The following NUP133 variants were observed in gnomAD, a reference collection of about 807,000 sequenced individuals.
NUP133 encodes the protein nuclear pore complex protein Nup133.
NUP133 carries 66 observed loss-of-function variants against 146.2 expected under a neutral mutation model. The observed-to-expected ratio is 0.45, with a 90% CI of 0.37 to 0.55. The LOEUF (loss-of-function observed/expected upper bound fraction) is 0.55. NUP133 is among the 20% of genes least tolerant of loss of function. The probability of loss-of-function intolerance (pLI) is 0.00; values close to 1 mark genes in which losing one functional copy is unlikely to be tolerated. For synonymous variants in NUP133, 521 were observed against 498.8 expected, an observed-to-expected ratio of 1.04 and a Z score of -0.59; for missense variants, 1,277 against 1,374.8, an observed-to-expected ratio of 0.93 and a Z score of 1.12.
chr1:229,449,712 A>G (rs1462357725), intron 23 of NUP133, among the ~76,000 whole-genome samples: 1 of 151,446 alleles, frequency 6.6e-6, no homozygotes, highest in Admixed American at 6.6e-5. Context: ...GTAAAAGTCA[A>G]CATATTATGT....
At chr1:229,464,310 C>A (rs1396901865) in intron 18 of NUP133, among the ~76,000 whole-genome samples, 1 of 152,184 alleles carries the variant, frequency 6.6e-6, no homozygotes, top group African/African-American at 2.4e-5. Flanking sequence ...ACCCCTCAAG[C>A]AGCCCTCACC....
intron 2 of NUP133, among the ~76,000 whole-genome samples, chr1:229,505,650 G>A (rs1347442410): frequency 1.3e-5 from 2 of 151,364 alleles, no homozygotes; most frequent in African/African-American, 2.4e-5. Context: ...ACTTTGGGAG[G>A]CCAAGGAGGG....
intron 25 of NUP133, among the ~76,000 whole-genome samples, chr1:229,443,481 G>A (rs997883157): frequency 6.6e-6 from 1 of 152,078 alleles, no homozygotes; most frequent in Non-Finnish European, 1.5e-5. Context: ...CAAACCTTGT[G>A]GGTAATTTAA....
chr1:229,490,036 A>G lies in NUP133; in HGVS notation c.1113T>C (p.Ser371=). The G allele has an allele frequency of 6.2e-7, 1 of 1,612,378 alleles. No homozygotes were observed. The part of the protein sequence containing the change: ...SADNPCLIYY[S]LITIEDNGCQ... ...AACCATTATCTTCTATTGTTATCAG[A>G]GAGTAATAGATGAGACATGGATTGT... Residue 371 remains serine, a synonymous_variant, in exon 9 of 26, where the codon TCT becomes TCC. Transcript: ENST00000261396.
chr1:229,456,242 C>T lies in NUP133; in HGVS notation c.2980+1919G>A, dbSNP rs748410046. The stretch of plus-strand genomic sequence containing the variant: ...GATTTGTCTACTGATACTCCAAAAC[C>T]ACGGGAATATCCTGTTCCCCTAGCC... On this transcript the variant is annotated intron_variant, in intron 21 of 25. Transcript: ENST00000261396. Among the ~76,000 whole-genome samples the T allele has an allele frequency of 1.4e-4, 22 of 152,282 alleles. No individual in the cohort carries two copies. The South Asian group carries it at 3.7e-3, about 26-fold the overall frequency.
At chr1:229,488,460 C>T (rs996089787) in intron 9 of NUP133, among the ~76,000 whole-genome samples, 2 of 152,056 alleles carry the variant, frequency 1.3e-5, no homozygotes, top group African/African-American at 4.8e-5. Context: ...AGTAATTTTA[C>T]AGAAATATTA....
chr1:229,487,693 CATT>C (rs1661396363), intron 9 of NUP133, 80 bp from the exon 10 acceptor site: 8 of 1,080,928 alleles, frequency 7.4e-6, no homozygotes, highest in Non-Finnish European at 1.1e-5. Flanking sequence ...CATTTTTGTA[CATT>C]ATTTCATAAA....
At chr1:229,470,465 A>T in intron 15 of NUP133, 115 bp downstream of exon 15, 3 of 841,318 alleles carry the variant, frequency 3.6e-6, no homozygotes, top group Non-Finnish European at 5.6e-6. Flanking sequence ...AGTCCAATTT[A>T]AAATTTCAGT....
chr1:229,452,169 T>G (rs1660467141), intron 22 of NUP133, among the ~76,000 whole-genome samples: 2 of 152,168 alleles, frequency 1.3e-5, no homozygotes, highest in Admixed American at 1.3e-4. Context: ...TAAACTGAGT[T>G]CCTTAATCCA....
rs56383157 is a variant in NUP133, at chr1:229,505,564, T to TAAAAAAAAAAA, written c.301+465_301+475dup. Among the ~76,000 whole-genome samples the TAAAAAAAAAAA allele has an allele frequency of 4.7e-5, 3 of 63,240 alleles. 1 individual carries two copies. The East Asian group carries it at 1.5e-3, about 32-fold the overall frequency. The allele number at this position is 63,240 out of a possible 152,430, so 41.5% of individuals were successfully genotyped here. ...ATGTATTATACATCTCAATTACAGT[T>TAAAAAAAAAAA]AAAAAAAAAAAAAAAAAAAAAAAAA... On this transcript the variant is annotated intron_variant, in intron 2 of 25. Transcript: ENST00000261396.
chr1:229,468,245 T>C lies in NUP133; in HGVS notation c.2077-1489A>G, dbSNP rs146388872. 6.7e-3 allele frequency among the ~76,000 whole-genome samples: 1,015 copies of C among 152,216 alleles called. 15 individuals carry two copies. The highest frequency in any genetic ancestry group is 0.023 in the African/African-American group (937 of 41,518). Reference sequence around the variant, plus strand: ...TTCTATATGGCCCACCAATCAGAGATTGATTTTGGTTAACCAGCTCGTCCC... The same window carrying C: ...TTCTATATGGCCCACCAATCAGAGACTGATTTTGGTTAACCAGCTCGTCCC... On this transcript the variant is annotated intron_variant, in intron 15 of 25. Transcript: ENST00000261396.
In NUP133 at chr1:229,485,251, C is replaced by T. The variant is rs112436317; in HGVS notation, c.1501-1106G>A. Among the ~76,000 whole-genome samples, 1,063 of 152,284 alleles carry T rather than the reference C, an allele frequency of 7.0e-3. 12 individuals are homozygous for T. The highest frequency in any genetic ancestry group is 0.024 in the African/African-American group (1,000 of 41,572). On this transcript the variant is annotated intron_variant, in intron 11 of 25. Transcript: ENST00000261396. ...AAGCAGAAGGAATGGGAAATGGCCC[C>T]GCTGACAGGAGATGAGGCCACCTAT... is the stretch of plus-strand genomic sequence containing the variant.
At position 229,458,183 on chromosome 1, in the gene NUP133, A is replaced by T; in HGVS notation, c.2958T>A (p.Asp986Glu). ...CACCTTCAATTTTTTCTTGTAGCAT[A>T]TCCTCTGAAAAGTCTGAAGCTAATG... ...LAALASDFSEDMLQEKIEEMA... is the reference protein window; with the variant it reads ...LAALASDFSEEMLQEKIEEMA... Residue 986 changes from aspartate (D) to glutamate (E), a missense_variant, in exon 21 of 26, where the codon GAT (aspartate) becomes GAA (glutamate). Transcript: ENST00000261396. The T allele has an allele frequency of 6.2e-7, 1 of 1,612,266 alleles. No individual in the cohort carries two copies. Among genetic ancestry groups the T allele is most frequent in the Non-Finnish European group, 8.5e-7 (1 of 1,179,084 alleles).
chr1:229,470,814 A>G lies in NUP133; in HGVS notation c.1852-10T>C, dbSNP rs1285529111. 1 of 1,610,874 alleles carries G rather than the reference A, an allele frequency of 6.2e-7. No individual in the cohort carries two copies. The highest frequency in any genetic ancestry group is 1.1e-5 in the South Asian group (1 of 90,978). On this transcript the variant is annotated splice_polypyrimidine_tract_variant and intron_variant, in intron 14 of 25. Coordinates refer to ENST00000261396, the MANE Select transcript of NUP133 (RefSeq NM_018230.3). The stretch of plus-strand genomic sequence containing the variant: ...GTCCAAATAAGCCAACCTTGCAAAA[A>G]GGCAAACACATATTCTCAGAAAGCA...
chr1:229,465,893 A>C lies in NUP133; in HGVS notation c.2200-374T>G, dbSNP rs1476862394. ...GCAATGGAGTGAGACCATGTCTCACAAAAAAAAAAAAAAAAAGAAAAGAAA... is the reference window on the plus strand; with the variant it reads ...GCAATGGAGTGAGACCATGTCTCACCAAAAAAAAAAAAAAAAGAAAAGAAA... On this transcript the variant is annotated intron_variant, in intron 16 of 25. Transcript: ENST00000261396. 4.8e-5 allele frequency among the ~76,000 whole-genome samples: 4 copies of C among 83,822 alleles called. No individual in the cohort carries two copies. The East Asian group carries it at 1.2e-3, about 25-fold the overall frequency. 55.0% of individuals were successfully genotyped at this position (83,822 alleles called of 152,430 possible). A position where few individuals can be genotyped will look rare whatever the true frequency, so the allele number is the denominator to read the frequency against.
chr1:229,458,592 T>C (rs1226205457), intron 20 of NUP133, among the ~76,000 whole-genome samples: 1 of 152,218 alleles, frequency 6.6e-6, no homozygotes, highest in Non-Finnish European at 1.5e-5. Flanking sequence ...ATTTGTATGT[T>C]TTTACTCATA....
At chr1:229,506,327 AG>A (rs1202462596) in intron 1 of NUP133, among the ~76,000 whole-genome samples, 169 bp from the exon 2 acceptor site, 1 of 151,990 alleles carries the variant, frequency 6.6e-6, no homozygotes, top group African/African-American at 2.4e-5. Flanking sequence ...AAAACAAAAC[AG>A]GATTTAGGAA....
rs532943409 is a variant in NUP133 at position 229,466,182 on chromosome 1, C to T, written c.2199+452G>A. Among the ~76,000 whole-genome samples, 11 of 152,048 alleles carry T rather than the reference C, an allele frequency of 7.2e-5. No homozygotes were observed. In the South Asian group the frequency reaches 8.3e-4, roughly 11 times the overall value. On this transcript the variant is annotated intron_variant, in intron 16 of 25. Transcript: ENST00000261396. The stretch of plus-strand genomic sequence containing the variant: ...TATTTAGACAGTTACATTAACAATA[C>T]GTTTGCAATCAGGCATGGTGTCTCA...
chr1:229,441,708 G>GA lies in NUP133; in HGVS notation c.*195dup. 3 of 477,280 alleles carry GA rather than the reference G, an allele frequency of 6.3e-6. No homozygotes were observed. The South Asian group carries it at 8.6e-5, about 14-fold the overall frequency. 29.6% of individuals were successfully genotyped at this position (477,280 alleles called of 1,614,324 possible). ...AACAACAACTGACACATTTCAGGTG[G>GA]AAAAAACAAGTCACATAACTGAAAA... On this transcript the variant is annotated 3_prime_UTR_variant, in exon 26 of 26. Transcript: ENST00000261396.
Sources: gnomAD v4.1 joint callset for allele counts (sites outside exome capture counted in the v4.1 genomes callset) on GRCh38, gnomAD v4.1.1 for gene constraint, MANE v1.5 for transcripts, NCBI Gene and HGNC (gene_info 2026-07-23, HGNC 2026-07-21) for gene names.